The following AQP2 variants were observed in gnomAD, a reference collection of about 807,000 sequenced individuals.
The protein encoded by AQP2 is aquaporin 2, also known as aquaporin-2.
Under a neutral mutation model 21.6 loss-of-function variants are expected in AQP2, and 20 were observed. The observed-to-expected ratio is 0.92, with a 90% CI of 0.65 to 1.34. The LOEUF (loss-of-function observed/expected upper bound fraction) is 1.34. Ranked by LOEUF, AQP2 falls within the 40% of genes most tolerant of loss-of-function variation. The probability of loss-of-function intolerance (pLI) is 0.00; values close to 1 mark genes in which losing one functional copy is unlikely to be tolerated. For missense variants in AQP2, 325 were observed against 363.4 expected, an observed-to-expected ratio of 0.89 and a Z score of 0.86; for synonymous variants, 168 against 166.9, an observed-to-expected ratio of 1.01 and a Z score of -0.05.
In AQP2 at chr12:49,955,294, T is replaced by C. The variant is rs377469003; in HGVS notation, c.607-105T>C. The stretch of plus-strand genomic sequence containing the variant: ...ATAAATAAGCATTTTACTAGATTAA[T>C]GTCGGGGAGGAGAGGTGCGGCCGCA... On this transcript the variant is annotated intron_variant, in intron 3 of 3. Transcript: ENST00000199280. 2.2e-5 allele frequency: 25 copies of C among 1,134,756 alleles called. 1 individual carries two copies. The highest frequency in any genetic ancestry group is 1.0e-4 in the East Asian group (4 of 38,884). 70.3% of individuals were successfully genotyped at this position (1,134,756 alleles called of 1,614,324 possible).
At position 49,955,608 on chromosome 12, in the gene AQP2, AG is replaced by A; in HGVS notation, c.*3del. 6.4e-7 allele frequency: 1 copy of A among 1,556,268 alleles called. No homozygotes were observed. Among genetic ancestry groups the A allele is most frequent in the South Asian group, 1.2e-5 (1 of 85,956 alleles). ...GCCTGCCACGGGGTACCAAGGCCTG[AG>A]GGCCGCCAGCGGCCTCTACGGCCCC... On this transcript the variant is annotated 3_prime_UTR_variant, in exon 4 of 4. Coordinates refer to ENST00000199280, the MANE Select transcript of AQP2 (RefSeq NM_000486.6).
At chr12:49,952,258 G>A (rs1008566012) in intron 1 of AQP2, among the ~76,000 whole-genome samples, 4 of 151,874 alleles carry the variant, frequency 2.6e-5, no homozygotes, top group Non-Finnish European at 4.4e-5. Context: ...GGGATTACAC[G>A]CCTGTAATCC....
chr12:49,953,219 A>AC (rs1947341997), intron 1 of AQP2, among the ~76,000 whole-genome samples: 1 of 152,232 alleles, frequency 6.6e-6, no homozygotes, highest in East Asian at 1.9e-4. Context: ...CCCTAGAGAG[A>AC]CCCAAGGGTT....
chr12:49,952,020 G>A (rs1186092614), intron 1 of AQP2: 1 of 152,188 alleles, frequency 6.6e-6, no homozygotes, highest in African/African-American at 2.4e-5. Flanking sequence ...CAAGAGTCCT[G>A]ATGTCTTTGA....
chr12:49,956,058 T>A lies in AQP2; in HGVS notation c.*450T>A, dbSNP rs1179612014. On this transcript the variant is annotated 3_prime_UTR_variant, in exon 4 of 4. Transcript: ENST00000199280. ...TTCTCTTTTGTCCTCACATGCAGAG[T>A]TGTGCATGCCCCTGAGTGTGAACAG... The A allele has an allele frequency of 3.6e-6, 1 of 277,112 alleles. No homozygotes were observed. The highest frequency in any genetic ancestry group is 7.1e-6 in the Non-Finnish European group (1 of 140,582). 17.2% of individuals were successfully genotyped at this position (277,112 alleles called of 1,614,324 possible).
At position 49,954,688 on chromosome 12, in the gene AQP2, C is replaced by G. The variant is rs1401908251; in HGVS notation, c.584C>G (p.Thr195Ser). 1 of 1,614,196 alleles carries G rather than the reference C, an allele frequency of 6.2e-7. No individual in the cohort carries two copies. The highest frequency in any genetic ancestry group is 8.5e-7 in the Non-Finnish European group (1 of 1,180,020). Reference protein sequence around the residue: ...PARSLAPAVVTGKFDDHWVFW... With the variant: ...PARSLAPAVVSGKFDDHWVFW... ...CGCTCCCTGGCTCCAGCTGTCGTCA[C>G]TGGCAAATTTGATGACCACTGGGTA... is the stretch of plus-strand genomic sequence containing the variant. Residue 195 changes from threonine (T) to serine (S), a missense_variant, in exon 3 of 4, where the codon ACT becomes AGT. Physicochemically the swap from Thr to Ser is moderately conservative, Grantham distance 58. Coordinates refer to ENST00000199280, the MANE Select transcript of AQP2 (RefSeq NM_000486.6).
At chr12:49,955,059 C>A (rs1947356708) in intron 3 of AQP2, among the ~76,000 whole-genome samples, 1 of 152,200 alleles carries the variant, frequency 6.6e-6, no homozygotes, top group Non-Finnish European at 1.5e-5. Flanking sequence ...GTTCTGAGTG[C>A]TTTGCAAACA....
Position 49,955,766 on chromosome 12 carries a change from C to A in AQP2, c.*158C>A. On this transcript the variant is annotated 3_prime_UTR_variant, in exon 4 of 4. Coordinates refer to ENST00000199280, the MANE Select transcript of AQP2 (RefSeq NM_000486.6). ...CGCCCAGGCCAGTGCTGTGAGCAGGCGGGGAGGAGGCTGCCGGAGGGAGCC... is the reference window on the plus strand; with the variant it reads ...CGCCCAGGCCAGTGCTGTGAGCAGGAGGGGAGGAGGCTGCCGGAGGGAGCC... 2 of 1,040,422 alleles carry A rather than the reference C, an allele frequency of 1.9e-6. No individual in the cohort carries two copies. Among genetic ancestry groups the A allele is most frequent in the East Asian group, 2.6e-5 (1 of 38,616 alleles). The allele number at this position is 1,040,422 out of a possible 1,614,324, so 64.4% of individuals were successfully genotyped here.
chr12:49,954,565 G>A (rs954686459), intron 2 of AQP2, 65 bp from the exon 3 acceptor site: 24 of 1,566,288 alleles, frequency 1.5e-5, no homozygotes, highest in African/African-American at 4.1e-5. Context: ...ACTGCAGTGC[G>A]GGACAAGGAC....
Position 49,955,689 on chromosome 12 carries a change from G to T in AQP2, c.*81G>T. On this transcript the variant is annotated 3_prime_UTR_variant, in exon 4 of 4. Transcript: ENST00000199280. ...GGGCCCACCCCGTCCCTCCTCTCCC[G>T]CAGGTCTGAAGTTGGCCCCCCAGCG... The T allele has an allele frequency of 1.3e-6, 2 of 1,490,352 alleles. No homozygotes were observed. The highest frequency in any genetic ancestry group is 1.4e-5 in the African/African-American group (1 of 72,192). The allele number at this position is 1,490,352 out of a possible 1,614,324, so 92.3% of individuals were successfully genotyped here. A position where few individuals can be genotyped will look rare whatever the true frequency, so the allele number is the denominator to read the frequency against.
intron 2 of AQP2, 88 bp from the exon 3 acceptor site, chr12:49,954,542 G>A: frequency 6.7e-7 from 1 of 1,499,830 alleles, no homozygotes; most frequent in Non-Finnish European, 9.3e-7. Flanking sequence ...TTCCCTTTAG[G>A]CTGAGGTCAA....
rs145783831 is a variant in AQP2 at position 49,958,230 on chromosome 12, A to C, written c.*2622A>C. On this transcript the variant is annotated 3_prime_UTR_variant, in exon 4 of 4. Transcript: ENST00000199280. ...GTGATTATCTCCCAACCCCGTGACA[A>C]AGGTAGAGCAAATATTGTTCTTCCC... 6.6e-6 allele frequency: 1 copy of C among 152,244 alleles called. No homozygotes were observed. Among genetic ancestry groups the C allele is most frequent in the Non-Finnish European group, 1.5e-5 (1 of 68,046 alleles). The allele number at this position is 152,244 out of a possible 1,614,324, so 9.4% of individuals were successfully genotyped here.
chr12:49,951,112 G>C lies in AQP2; in HGVS notation c.282G>C (p.Leu94=). Residue 94 remains leucine, a synonymous_variant, in exon 1 of 4, where the codon CTG becomes CTC. Transcript: ENST00000199280. ...LRAAFYVAAQ[L]LGAVAGAALL... ...CCGCCTTCTACGTGGCTGCCCAGCT[G>C]CTGGGGGCTGTGGCCGGAGCCGCTC... 6.2e-7 allele frequency: 1 copy of C among 1,607,856 alleles called. No homozygotes were observed. Among genetic ancestry groups the C allele is most frequent in the Non-Finnish European group, 8.5e-7 (1 of 1,175,504 alleles).
chr12:49,958,354 A>T lies in AQP2; in HGVS notation c.*2746A>T, dbSNP rs1947388253. 6.6e-6 allele frequency: 1 copy of T among 152,242 alleles called. No individual in the cohort carries two copies. Among genetic ancestry groups the T allele is most frequent in the African/African-American group, 2.4e-5 (1 of 41,464 alleles). The allele number at this position is 152,242 out of a possible 1,614,324, so 9.4% of individuals were successfully genotyped here. A position where few individuals can be genotyped will look rare whatever the true frequency, so the allele number is the denominator to read the frequency against. ...CTTGAACTCAGACCTTTTTACACAA[A>T]ATCCCATGATTTTTCCACTGAGACA... is the stretch of plus-strand genomic sequence containing the variant. On this transcript the variant is annotated 3_prime_UTR_variant, in exon 4 of 4. Coordinates refer to ENST00000199280, the MANE Select transcript of AQP2 (RefSeq NM_000486.6).
chr12:49,952,753 T>C (rs748664453), intron 1 of AQP2, among the ~76,000 whole-genome samples: 1 of 152,168 alleles, frequency 6.6e-6, no homozygotes, highest in Non-Finnish European at 1.5e-5. Context: ...GAACCCTGCC[T>C]GGATGGAATG....
At position 49,955,929 on chromosome 12, in the gene AQP2, G is replaced by C. The variant is rs151189685; in HGVS notation, c.*321G>C. 4.8e-4 allele frequency: 262 copies of C among 547,014 alleles called. 1 individual carries two copies. Among genetic ancestry groups the C allele is most frequent in the African/African-American group, 4.2e-3 (220 of 53,010 alleles). 33.9% of individuals were successfully genotyped at this position (547,014 alleles called of 1,614,324 possible). On this transcript the variant is annotated 3_prime_UTR_variant, in exon 4 of 4. Transcript: ENST00000199280. ...GGTGGTAAGAGGGAAACTCTGGAGA[G>C]CCTGCACCCAGGTACTGAGTGGGGA... is the stretch of plus-strand genomic sequence containing the variant.
At chr12:49,954,818 C>T (rs1565636866) in intron 3 of AQP2, 108 bp downstream of exon 3, 2 of 1,232,854 alleles carry the variant, frequency 1.6e-6, no homozygotes, top group South Asian at 1.2e-5. Context: ...ACCCCAAACC[C>T]TCCACACTCC....
chr12:49,954,262 C>T lies in AQP2; in HGVS notation c.468C>T (p.Asn156=). 1.2e-6 allele frequency: 2 copies of T among 1,608,174 alleles called. No homozygotes were observed. The highest frequency in any genetic ancestry group is 1.7e-6 in the Non-Finnish European group (2 of 1,179,972). ...FASTDERRGE[N]PGTPALSIGF... ...CCACCGATGAGCGCCGCGGAGAGAA[C>T]CCGGGCACCCCTGCTCTCTCCATAG... Residue 156 remains asparagine, a synonymous_variant, in exon 2 of 4, where the codon AAC becomes AAT. Coordinates refer to ENST00000199280, the MANE Select transcript of AQP2 (RefSeq NM_000486.6).
chr12:49,954,244 T>A lies in AQP2; in HGVS notation c.450T>A (p.Asp150Glu), dbSNP rs770932012. The change falls in exon 2 of 4, where the codon GAT (aspartate) becomes GAA (glutamate). Residue 150 changes from aspartate to glutamate, a missense_variant. By Grantham distance (45) the Asp-to-Glu change is conservative (BLOSUM62 2). Transcript: ENST00000199280. Reference sequence around the variant, plus strand: ...TGCTCTGCATCTTCGCCTCCACCGATGAGCGCCGCGGAGAGAACCCGGGCA... The same window carrying A: ...TGCTCTGCATCTTCGCCTCCACCGAAGAGCGCCGCGGAGAGAACCCGGGCA... ...QLVLCIFAST[D>E]ERRGENPGTP... 1.4e-5 allele frequency: 23 copies of A among 1,606,638 alleles called. No homozygotes were observed. The highest frequency in any genetic ancestry group is 1.7e-4 in the Middle Eastern group (1 of 6,036).
Sources: gnomAD v4.1 joint callset for allele counts (sites outside exome capture counted in the v4.1 genomes callset) on GRCh38, gnomAD v4.1.1 for gene constraint, MANE v1.5 for transcripts, NCBI Gene and HGNC (gene_info 2026-07-23, HGNC 2026-07-21) for gene names.